Variants in LINGO2 observed in about 807,000 individuals in gnomAD.
LINGO2 encodes the protein leucine-rich repeat and immunoglobulin-like domain-containing nogo receptor-interacting protein 2.
LINGO2 carries 14 observed loss-of-function variants against 30.6 expected under a neutral mutation model. The ratio of observed to expected loss-of-function variants is 0.46; its 90% CI spans 0.30 to 0.72. The LOEUF is 0.72. Ranked by LOEUF, LINGO2 falls within the 30% of genes least tolerant of loss-of-function variation. The probability of loss-of-function intolerance (pLI) is 0.07; values close to 1 mark genes in which losing one functional copy is unlikely to be tolerated. For missense variants in LINGO2, 729 were observed against 751.7 expected (o/e 0.97, Z 0.35); for synonymous variants, 317 against 288.5 (o/e 1.10, Z -1.00).
intron 1 of LINGO2, among the ~76,000 whole-genome samples, chr9:28,585,776 C>T (rs1181157486): frequency 6.6e-6 from 1 of 151,996 alleles, no homozygotes; most frequent in African/African-American, 2.4e-5. Flanking sequence ...CAACAAGTTC[C>T]AACAGAGATG....
At chr9:28,560,094 A>AG (rs1822969846) in intron 1 of LINGO2, among the ~76,000 whole-genome samples, 1 of 151,784 alleles carries the variant, frequency 6.6e-6, no homozygotes. Flanking sequence ...AAAAAAAAAA[A>AG]AAAGAAAAAT....
chr9:28,501,956 A>G (rs1359620078), intron 1 of LINGO2, among the ~76,000 whole-genome samples: 5 of 152,068 alleles, frequency 3.3e-5, no homozygotes, highest in Admixed American at 3.3e-4. Context: ...TGGCAAAAAC[A>G]GAAAGAGAGA....
At chr9:28,216,920 C>T (rs555066111) in intron 4 of LINGO2, among the ~76,000 whole-genome samples, 2 of 151,728 alleles carry the variant, frequency 1.3e-5, no homozygotes, top group Non-Finnish European at 1.5e-5. Flanking sequence ...TATTCTCTTG[C>T]GCACATGAAA....
chr9:28,926,224 G>C, the LINGO2 span, among the ~76,000 whole-genome samples: 2 of 152,146 alleles, frequency 1.3e-5, no homozygotes, highest in Non-Finnish European at 2.9e-5. Flanking sequence ...TGAGGCAAGA[G>C]AATTGCTTGA....
the LINGO2 span, among the ~76,000 whole-genome samples, chr9:28,943,419 G>A: frequency 2.0e-5 from 3 of 152,078 alleles, no homozygotes; most frequent in Admixed American, 1.3e-4. Flanking sequence ...ATCAGGTGAC[G>A]GATTGAGTGA....
chr9:28,045,199 A>G (rs1824364010), intron 4 of LINGO2, among the ~76,000 whole-genome samples: 1 of 152,138 alleles, frequency 6.6e-6, no homozygotes, highest in South Asian at 2.1e-4. Flanking sequence ...CACAAACTAC[A>G]GATTGTCTTG....
the LINGO2 span, among the ~76,000 whole-genome samples, chr9:29,139,134 T>C: frequency 6.6e-6 from 1 of 152,084 alleles, no homozygotes; most frequent in Non-Finnish European, 1.5e-5. Context: ...CCAGCCAACA[T>C]CAAGAAAGAG....
chr9:28,822,439 T>C, the LINGO2 span, among the ~76,000 whole-genome samples: 4 of 152,106 alleles, frequency 2.6e-5, no homozygotes, highest in African/African-American at 2.4e-5. Flanking sequence ...CTTGAATGGA[T>C]TGAAGGATGC....
At chr9:28,900,717 G>T in the LINGO2 span, among the ~76,000 whole-genome samples, 1 of 152,140 alleles carries the variant, frequency 6.6e-6, no homozygotes, top group Non-Finnish European at 1.5e-5. Context: ...AGACTGAAAT[G>T]AGTCCCTACT....
At chr9:28,056,529 G>T (rs138424115) in intron 4 of LINGO2, among the ~76,000 whole-genome samples, 1 of 152,188 alleles carries the variant, frequency 6.6e-6, no homozygotes, top group African/African-American at 2.4e-5. Context: ...ACATCCCAGG[G>T]ATACCTCAGT....
the LINGO2 span, among the ~76,000 whole-genome samples, chr9:29,077,490 CT>C: frequency 6.6e-6 from 1 of 152,064 alleles, no homozygotes; most frequent in South Asian, 2.1e-4. Flanking sequence ...TGGAATTATT[CT>C]CTATAGCTAC....
At chr9:29,087,941 A>C in the LINGO2 span, among the ~76,000 whole-genome samples, 1 of 152,132 alleles carries the variant, frequency 6.6e-6, no homozygotes, top group East Asian at 1.9e-4. Flanking sequence ...TGTATGGTTA[A>C]ATGAGATAAG....
chr9:29,110,394 T>C, the LINGO2 span, among the ~76,000 whole-genome samples: 1 of 150,498 alleles, frequency 6.6e-6, no homozygotes, highest in East Asian at 2.0e-4. Flanking sequence ...GTGCAGTGAT[T>C]CGATCTCGGC....
At chr9:29,183,895 CT>C in the LINGO2 span, among the ~76,000 whole-genome samples, 124 of 146,942 alleles carry the variant, frequency 8.4e-4, no homozygotes, top group African/African-American at 1.4e-3. Flanking sequence ...CTACCTGTTT[CT>C]TTTTTTTTTT....
chr9:28,692,468 C>T, the LINGO2 span, among the ~76,000 whole-genome samples: 1 of 152,044 alleles, frequency 6.6e-6, no homozygotes, highest in African/African-American at 2.4e-5. Context: ...GATCAAAACT[C>T]CGTCTCAAAA....
At chr9:28,803,273 G>T in the LINGO2 span, among the ~76,000 whole-genome samples, 1 of 151,704 alleles carries the variant, frequency 6.6e-6, no homozygotes, top group Non-Finnish European at 1.5e-5. Context: ...AAGTCAAAGT[G>T]CATCATAAGT....
At chr9:29,127,297 T>C in the LINGO2 span, among the ~76,000 whole-genome samples, 2 of 152,144 alleles carry the variant, frequency 1.3e-5, no homozygotes, top group Non-Finnish European at 2.9e-5. Flanking sequence ...TTGTTCAAAA[T>C]ACCAAGAGCC....
At chr9:28,250,629 C>G (rs969044858) in intron 4 of LINGO2, among the ~76,000 whole-genome samples, 1 of 152,164 alleles carries the variant, frequency 6.6e-6, no homozygotes, top group Non-Finnish European at 1.5e-5. Context: ...GCTGAATGGG[C>G]AGGGAAGACT....
chr9:28,356,747 A>C (rs576714599), intron 3 of LINGO2, among the ~76,000 whole-genome samples: 257 of 152,178 alleles, frequency 1.7e-3, no homozygotes, highest in Middle Eastern at 3.4e-3. Context: ...TCACTTCTCC[A>C]CTGTCAGACA....
Sources: allele counts gnomAD v4.1 joint callset (sites outside exome capture counted in the v4.1 genomes callset), GRCh38; gene constraint gnomAD v4.1.1; transcripts MANE v1.5; gene names NCBI Gene and HGNC (gene_info 2026-07-23, HGNC 2026-07-21).